The following RAB10 variants were observed in gnomAD, a reference collection of about 807,000 sequenced individuals.
RAB10 encodes ras-related protein Rab-10.
RAB10 carries 5 observed loss-of-function variants against 25.7 expected under a neutral mutation model. That is an observed-to-expected ratio of 0.19 (90% confidence interval 0.10 to 0.41). RAB10 has a LOEUF of 0.41. Among genes scored for constraint, RAB10 ranks in the 10% least tolerant of loss-of-function variants. RAB10 has a pLI of 1.00. For missense variants in RAB10, 103 were observed against 245.8 expected (o/e 0.42, Z 3.89); for synonymous variants, 89 against 86.4 (o/e 1.03, Z -0.16).
chr2:26,054,070 T>G (rs1304015071), intron 1 of RAB10, among the ~76,000 whole-genome samples: 3 of 142,882 alleles, frequency 2.1e-5, no homozygotes, highest in Non-Finnish European at 4.6e-5. Context: ...TTTTTTGAGC[T>G]GGAGTCTTGC....
chr2:26,041,552 AAAAAAAAAAAAAAAG>A (rs1386146572), intron 1 of RAB10, among the ~76,000 whole-genome samples: 6 of 150,338 alleles, frequency 4.0e-5, no homozygotes, highest in Admixed American at 3.3e-4. Flanking sequence ...TCAAAAAAAA[AAAAAAAAAAAAAAAG>A]AATGTTAGCT....
In RAB10 at chr2:26,034,506, C is replaced by T; in HGVS notation, c.-103C>T. ...GTCTCGAGCCTTTTTCCCACGCTTC[C>T]CCGGTCCTCCGGCCTGAGAACGCCC... On this transcript the variant is annotated 5_prime_UTR_variant, in exon 1 of 6. Transcript: ENST00000264710. 6.6e-7 allele frequency: 1 copy of T among 1,504,708 alleles called. No individual in the cohort carries two copies. The highest frequency in any genetic ancestry group is 2.3e-5 in the East Asian group (1 of 43,758). 93.2% of individuals were successfully genotyped at this position (1,504,708 alleles called of 1,614,324 possible).
At chr2:26,119,578 G>C (rs888240574) in intron 3 of RAB10, among the ~76,000 whole-genome samples, 10 of 151,628 alleles carry the variant, frequency 6.6e-5, no homozygotes, top group Non-Finnish European at 1.5e-4. Flanking sequence ...TTAGAGTGCA[G>C]TGGCACAATC....
intron 1 of RAB10, among the ~76,000 whole-genome samples, chr2:26,067,707 CAT>C (rs763746883): frequency 2.0e-5 from 3 of 152,218 alleles, no homozygotes; most frequent in Non-Finnish European, 4.4e-5. Context: ...TAGATTTAAT[CAT>C]GTGTTAAAAT....
chr2:26,118,678 G>A (rs1422230206), intron 3 of RAB10, among the ~76,000 whole-genome samples: 1 of 152,112 alleles, frequency 6.6e-6, no homozygotes, highest in East Asian at 1.9e-4. Context: ...GATATTTTTG[G>A]TTATCACAGC....
intron 1 of RAB10, among the ~76,000 whole-genome samples, chr2:26,073,804 C>T (rs1574538694): frequency 6.6e-6 from 1 of 152,068 alleles, no homozygotes; most frequent in Non-Finnish European, 1.5e-5. Flanking sequence ...GATTCGAGCT[C>T]AAGTGTTATG....
chr2:26,088,903 A>C (rs1473896207), intron 1 of RAB10, among the ~76,000 whole-genome samples: 1 of 151,718 alleles, frequency 6.6e-6, no homozygotes, highest in African/African-American at 2.4e-5. Flanking sequence ...GATTACAGGC[A>C]TGAGCCACCA....
intron 1 of RAB10, among the ~76,000 whole-genome samples, chr2:26,042,505 G>A (rs938533402): frequency 2.0e-5 from 3 of 152,024 alleles, no homozygotes; most frequent in African/African-American, 4.8e-5. Flanking sequence ...AATTAGCTGG[G>A]TGCGGTGGTG....
In RAB10 at chr2:26,074,713, C is replaced by G. The variant is rs1268408017; in HGVS notation, c.128-23949C>G. 3.3e-5 allele frequency among the ~76,000 whole-genome samples: 5 copies of G among 152,352 alleles called. No homozygotes were observed. The South Asian group carries it at 8.3e-4, about 25-fold the overall frequency. On this transcript the variant is annotated intron_variant, in intron 1 of 5. Coordinates refer to ENST00000264710, the MANE Select transcript of RAB10 (RefSeq NM_016131.5). Reference sequence around the variant, plus strand: ...GGATTACAGGCGTGAGCCACTGCACCTGGCCTTTAAATGTTGAAAAAAGTG... The same window carrying G: ...GGATTACAGGCGTGAGCCACTGCACGTGGCCTTTAAATGTTGAAAAAAGTG...
intron 2 of RAB10, among the ~76,000 whole-genome samples, chr2:26,107,599 G>A (rs1193005778): frequency 1.3e-5 from 2 of 151,716 alleles, no homozygotes; most frequent in African/African-American, 2.4e-5. Context: ...AGTTTGAGAC[G>A]AGCCTGGCCA....
chr2:26,090,473 A>T (rs1667077332), intron 1 of RAB10, among the ~76,000 whole-genome samples: 1 of 143,020 alleles, frequency 7.0e-6, no homozygotes. Flanking sequence ...TCAGTTTAGA[A>T]GTAGATTCTT....
intron 1 of RAB10, among the ~76,000 whole-genome samples, chr2:26,081,661 G>A (rs765579786): frequency 1.3e-5 from 2 of 152,222 alleles, no homozygotes; most frequent in Non-Finnish European, 2.9e-5. Flanking sequence ...AACATCAGGA[G>A]AAGTTGGATA....
rs1667647920 is a variant in RAB10 at position 26,114,818 on chromosome 2, C to G, written c.327+4912C>G. ...TATCTGGGAGGCTGAGGTGGGATCA[C>G]TTGAGCCCAGGAGGTCGAGGCTGCA... On this transcript the variant is annotated intron_variant, in intron 3 of 5. Coordinates refer to ENST00000264710, the MANE Select transcript of RAB10 (RefSeq NM_016131.5). Among the ~76,000 whole-genome samples, 5 of 151,500 alleles carry G rather than the reference C, an allele frequency of 3.3e-5. 1 individual carries two copies. In the South Asian group the frequency reaches 1.0e-3, roughly 32 times the overall value.
rs534870247 is a variant in RAB10, at chr2:26,113,227, TATCTC to T, written c.327+3323_327+3327del. 2.1e-3 allele frequency among the ~76,000 whole-genome samples: 321 copies of T among 152,198 alleles called. 1 individual carries two copies. The highest frequency in any genetic ancestry group is 7.6e-3 in the African/African-American group (314 of 41,534). On this transcript the variant is annotated intron_variant, in intron 3 of 5. Coordinates refer to ENST00000264710, the MANE Select transcript of RAB10 (RefSeq NM_016131.5). ...TTAATAGACGACAAAACCATACAGT[TATCTC>T]AGTTCACACAGAAAAAACATTTGAC...
intron 1 of RAB10, among the ~76,000 whole-genome samples, chr2:26,046,263 T>G (rs952588849): frequency 1.3e-5 from 2 of 151,400 alleles, no homozygotes; most frequent in African/African-American, 4.9e-5. Context: ...AGGCAGAGGT[T>G]GTGGTGAGCC....
At chr2:26,083,771 G>A (rs530872673) in intron 1 of RAB10, among the ~76,000 whole-genome samples, 4 of 152,148 alleles carry the variant, frequency 2.6e-5, no homozygotes, top group East Asian at 1.9e-4. Context: ...TGCCCACGCC[G>A]GCCCCACAAA....
intron 2 of RAB10, among the ~76,000 whole-genome samples, chr2:26,109,058 C>T (rs184559194): frequency 2.4e-4 from 36 of 151,850 alleles, no homozygotes; most frequent in South Asian, 8.3e-4. Flanking sequence ...ATTACAGGCA[C>T]GTGCCACCAT....
chr2:26,098,813 G>T, intron 2 of RAB10, 91 bp downstream of exon 2: 1 of 1,135,126 alleles, frequency 8.8e-7, no homozygotes, highest in Non-Finnish European at 1.2e-6. Flanking sequence ...TTTAGATTCT[G>T]TGAGACTTTT....
intron 1 of RAB10, among the ~76,000 whole-genome samples, chr2:26,058,009 TG>T (rs752492289): frequency 9.2e-5 from 14 of 152,158 alleles, no homozygotes; most frequent in Non-Finnish European, 1.9e-4. Context: ...TTGAATTAAA[TG>T]GAAAGATGTG....
Sources: allele counts gnomAD v4.1 joint callset (sites outside exome capture counted in the v4.1 genomes callset), GRCh38; gene constraint gnomAD v4.1.1; transcripts MANE v1.5; gene names NCBI Gene and HGNC (gene_info 2026-07-23, HGNC 2026-07-21).